AK5: variants seen among roughly 807,000 people sequenced by gnomAD.
AK5 encodes adenylate kinase isoenzyme 5.
AK5 carries 27 observed loss-of-function variants against 69.5 expected under a neutral mutation model. The observed-to-expected ratio is 0.39, with a 90% confidence interval of 0.29 to 0.54. The LOEUF is 0.54. AK5 is among the 20% of genes least tolerant of loss of function. The pLI is 0.71. For synonymous variants in AK5, 260 were observed against 244.4 expected, an observed-to-expected ratio of 1.06 and a Z score of -0.60; for missense variants, 531 against 700.4, an observed-to-expected ratio of 0.76 and a Z score of 2.73.
chr1:77,301,157 G>C (rs946130136), intron 5 of AK5, among the ~76,000 whole-genome samples: 3 of 152,162 alleles, frequency 2.0e-5, no homozygotes, highest in Non-Finnish European at 4.4e-5. Flanking sequence ...GTCTCCATAT[G>C]AACAGTCCAG....
At chr1:77,413,664 G>A (rs1183323127) in intron 7 of AK5, among the ~76,000 whole-genome samples, 2 of 152,192 alleles carry the variant, frequency 1.3e-5, no homozygotes, top group Non-Finnish European at 2.9e-5. Flanking sequence ...AATGGTTTCT[G>A]TATGCAAAGT....
At chr1:77,287,240 G>A (rs1189320419) in intron 2 of AK5, 113 bp downstream of exon 2, 15 of 685,528 alleles carry the variant, frequency 2.2e-5, no homozygotes. Flanking sequence ...AATGCCTGAA[G>A]TCATTGGATC....
At chr1:77,524,257 T>C (rs1309147401) in intron 12 of AK5, among the ~76,000 whole-genome samples, 1 of 152,222 alleles carries the variant, frequency 6.6e-6, no homozygotes, top group Non-Finnish European at 1.5e-5. Context: ...GTGTACAATA[T>C]CTGTTCAAGT....
chr1:77,368,694 C>T (rs750127420), intron 6 of AK5, among the ~76,000 whole-genome samples: 3 of 152,094 alleles, frequency 2.0e-5, no homozygotes, highest in Admixed American at 6.6e-5. Flanking sequence ...AATCCCTGTA[C>T]GGGTTGAGCC....
At chr1:77,543,305 A>G (rs1157019837) in intron 13 of AK5, among the ~76,000 whole-genome samples, 1 of 152,234 alleles carries the variant, frequency 6.6e-6, no homozygotes, top group Non-Finnish European at 1.5e-5. Flanking sequence ...CAAGTAAAGG[A>G]AAACCCAAAA....
Position 77,558,659 on chromosome 1 carries a change from T to TA in AK5, c.1678_1679insA (p.Ser560TyrfsTer12). ...TCTTCAACTCTGCACAGCTATTGAC[T>TA]CTATTTTCTGAAGGCAAAAATGCAT... On this transcript the variant is annotated frameshift_variant, in exon 14 of 14. Coordinates refer to ENST00000354567, the MANE Select transcript of AK5 (RefSeq NM_174858.3). LOFTEE classifies it high-confidence loss of function. 1.3e-6 allele frequency: 2 copies of TA among 1,527,580 alleles called. No homozygotes were observed. The highest frequency in any genetic ancestry group is 1.1e-5 in the South Asian group (1 of 88,286). 94.6% of individuals were successfully genotyped at this position (1,527,580 alleles called of 1,614,324 possible).
intron 5 of AK5, among the ~76,000 whole-genome samples, chr1:77,310,911 T>C (rs1159919666): frequency 6.6e-6 from 1 of 152,148 alleles, no homozygotes; most frequent in Non-Finnish European, 1.5e-5. Context: ...TTATAATTTT[T>C]CATATAAATA....
At chr1:77,426,386 A>G (rs34783278) in intron 8 of AK5, among the ~76,000 whole-genome samples, 34,804 of 152,220 alleles carry the variant, frequency 0.23, 4,274 homozygotes, top group East Asian at 0.38. Context: ...GAGATTTTTT[A>G]AAGCATTACA....
intron 13 of AK5, among the ~76,000 whole-genome samples, chr1:77,545,465 G>C (rs1659492857): frequency 6.6e-6 from 1 of 152,154 alleles, no homozygotes; most frequent in Non-Finnish European, 1.5e-5. Context: ...ATATTCTACA[G>C]TTTATTCAAC....
chr1:77,533,391 C>T (rs915579067), intron 12 of AK5, among the ~76,000 whole-genome samples: 22 of 151,628 alleles, frequency 1.5e-4, no homozygotes, highest in African/African-American at 5.3e-4. Context: ...TGGTGCACAC[C>T]TGTAATCCCA....
intron 10 of AK5, among the ~76,000 whole-genome samples, chr1:77,498,861 C>G (rs947022548): frequency 2.0e-5 from 3 of 152,206 alleles, no homozygotes; most frequent in African/African-American, 7.2e-5. Context: ...TCTTCCTCAA[C>G]ATTTCTTGTT....
chr1:77,449,150 A>G (rs1231731464), intron 8 of AK5, among the ~76,000 whole-genome samples: 1 of 152,132 alleles, frequency 6.6e-6, no homozygotes, highest in Middle Eastern at 3.2e-3. Context: ...AGAATTGTAG[A>G]TCCACAGACA....
At chr1:77,324,321 G>A (rs1439124018) in intron 5 of AK5, among the ~76,000 whole-genome samples, 8 of 13,112 alleles carry the variant, frequency 6.1e-4, no homozygotes, top group African/African-American at 2.6e-3. Flanking sequence ...CCATTTGCGT[G>A]TGTGTGTGTG....
chr1:77,513,510 A>G (rs974199287), intron 10 of AK5, among the ~76,000 whole-genome samples: 13 of 152,216 alleles, frequency 8.5e-5, no homozygotes, highest in African/African-American at 3.1e-4. Context: ...TCCAGGTAAC[A>G]TCCTGGAGTT....
intron 8 of AK5, among the ~76,000 whole-genome samples, chr1:77,448,286 G>A (rs1652882243): frequency 6.6e-6 from 1 of 152,118 alleles, no homozygotes; most frequent in Admixed American, 6.5e-5. Flanking sequence ...GCTTCCCATG[G>A]GCCAATCAGC....
At chr1:77,351,837 G>T (rs1662224950) in intron 6 of AK5, among the ~76,000 whole-genome samples, 1 of 152,034 alleles carries the variant, frequency 6.6e-6, no homozygotes, top group African/African-American at 2.4e-5. Flanking sequence ...TGGAATAAAT[G>T]AGTGAGCCAA....
rs115030909 is a variant in AK5 at position 77,414,745 on chromosome 1, C to T, written c.983-2894C>T. Among the ~76,000 whole-genome samples, 1,300 of 152,206 alleles carry T rather than the reference C, an allele frequency of 8.5e-3. 16 individuals are homozygous for T. The highest frequency in any genetic ancestry group is 9.5e-3 in the Non-Finnish European group (645 of 68,000). On this transcript the variant is annotated intron_variant, in intron 7 of 13. Transcript: ENST00000354567. ...CTACACTATCACTTTTTCGTAACAT[C>T]CTAATTTTTCTGTCTTTTTTGAGTA...
At chr1:77,503,956 C>G (rs1396731383) in intron 10 of AK5, among the ~76,000 whole-genome samples, 2 of 149,226 alleles carry the variant, frequency 1.3e-5, no homozygotes, top group African/African-American at 4.9e-5. Context: ...TTAGTCTAGT[C>G]CTGCCATACA....
At chr1:77,296,009 A>C (rs1658982527) in intron 3 of AK5, among the ~76,000 whole-genome samples, 2 of 152,222 alleles carry the variant, frequency 1.3e-5, no homozygotes, top group South Asian at 4.1e-4. Flanking sequence ...AATGATGAAG[A>C]ACCAATAAGT....
Sources: allele counts gnomAD v4.1 joint callset (sites outside exome capture counted in the v4.1 genomes callset), GRCh38; gene constraint gnomAD v4.1.1; transcripts MANE v1.5; gene names NCBI Gene and HGNC (gene_info 2026-07-23, HGNC 2026-07-21).